The following ADCY7 variants were observed in gnomAD, a reference collection of about 807,000 sequenced individuals.
ADCY7 encodes adenylate cyclase type 7.
ADCY7 carries 72 observed loss-of-function variants against 120.6 expected under a neutral mutation model. The observed-to-expected ratio is 0.60, with a 90% CI of 0.49 to 0.73. The LOEUF (loss-of-function observed/expected upper bound fraction) is 0.73. ADCY7 is among the 30% of genes least tolerant of loss of function. The probability of loss-of-function intolerance (pLI) is 0.00; values close to 1 mark genes in which losing one functional copy is unlikely to be tolerated. For synonymous variants in ADCY7, 661 were observed against 628.0 expected (o/e 1.05, Z -0.78); for missense variants, 1,227 against 1,486.0 (o/e 0.83, Z 2.87).
chr16:50,314,348 G>C lies in ADCY7; in HGVS notation c.2913G>C (p.Leu971=). 6.2e-7 allele frequency: 1 copy of C among 1,614,186 alleles called. No homozygotes were observed. ...IGVMVEFSIA[L]MSKLDGINRH... ...TCATGGTGGAGTTCAGCATCGCCCT[G>C]ATGAGTAAGCTGGACGGCATCAACA... The change falls in exon 24 of 26, where the codon CTG becomes CTC. Residue 971 remains leucine, a synonymous_variant. Coordinates refer to ENST00000673801, the MANE Select transcript of ADCY7 (RefSeq NM_001114.5).
intron 1 of ADCY7, among the ~76,000 whole-genome samples, chr16:50,272,306 G>A (rs1296555260): frequency 6.6e-6 from 1 of 151,560 alleles, no homozygotes; most frequent in Non-Finnish European, 1.5e-5. Flanking sequence ...GGGGTGCTTT[G>A]TCTTCCAGGC....
chr16:50,290,594 C>T lies in ADCY7; in HGVS notation c.309C>T (p.Cys103=). 1 of 1,614,144 alleles carries T rather than the reference C, an allele frequency of 6.2e-7. No homozygotes were observed. The highest frequency in any genetic ancestry group is 8.5e-7 in the Non-Finnish European group (1 of 1,180,016). The change falls in exon 3 of 26, where the codon TGC becomes TGT. Residue 103 remains cysteine, a synonymous_variant. Coordinates refer to ENST00000673801, the MANE Select transcript of ADCY7 (RefSeq NM_001114.5). Reference sequence around the variant, plus strand: ...CCTTGGCGCTGCTCACCTGGGCCTGCTTGGTGGCGCTGGGCTATGTGCTGG... The same window carrying T: ...CCTTGGCGCTGCTCACCTGGGCCTGTTTGGTGGCGCTGGGCTATGTGCTGG... ...LRALALLTWA[C]LVALGYVLVF...
intron 1 of ADCY7, among the ~76,000 whole-genome samples, chr16:50,278,606 T>C (rs1161435403): frequency 6.6e-6 from 1 of 152,194 alleles, no homozygotes; most frequent in Non-Finnish European, 1.5e-5. Flanking sequence ...TTATGGCTTT[T>C]GGGTTTTGTG....
intron 1 of ADCY7, among the ~76,000 whole-genome samples, chr16:50,282,348 G>A (rs1164798862): frequency 6.6e-6 from 1 of 152,230 alleles, no homozygotes; most frequent in Non-Finnish European, 1.5e-5. Context: ...GCAGTATGGA[G>A]TCCCAGCCTC....
At chr16:50,282,997 G>T (rs2150914819) in intron 1 of ADCY7, among the ~76,000 whole-genome samples, 1 of 152,252 alleles carries the variant, frequency 6.6e-6, no homozygotes, top group South Asian at 2.1e-4. Flanking sequence ...GTGTGATGGA[G>T]GGATGAGCGG....
chr16:50,293,611 T>C, intron 6 of ADCY7, 109 bp downstream of exon 6: 1 of 1,372,090 alleles, frequency 7.3e-7, no homozygotes, highest in Non-Finnish European at 9.9e-7. Flanking sequence ...CCTGCCCATA[T>C]AGGGATTGGG....
chr16:50,316,858 T>G lies in ADCY7; in HGVS notation c.*1353T>G, dbSNP rs185978634. 7.2e-5 allele frequency: 11 copies of G among 152,454 alleles called. No homozygotes were observed. Among genetic ancestry groups the G allele is most frequent in the African/African-American group, 2.6e-4 (11 of 41,562 alleles). 9.4% of individuals were successfully genotyped at this position (152,454 alleles called of 1,614,324 possible). A position where few individuals can be genotyped will look rare whatever the true frequency, so the allele number is the denominator to read the frequency against. Reference sequence around the variant, plus strand: ...ACCAGAGCATCGCCAGGATTTCTAATGCACTCAGTTTCCCTACATAGCAGG... The same window carrying G: ...ACCAGAGCATCGCCAGGATTTCTAAGGCACTCAGTTTCCCTACATAGCAGG... On this transcript the variant is annotated 3_prime_UTR_variant, in exon 26 of 26. Transcript: ENST00000673801.
intron 4 of ADCY7, 158 bp from the exon 5 acceptor site, chr16:50,292,518 C>T: frequency 2.3e-6 from 2 of 870,070 alleles, no homozygotes; most frequent in Non-Finnish European, 3.5e-6. Flanking sequence ...CCTGTCTGGG[C>T]CTCAGTTTCC....
At chr16:50,308,971 G>A (rs111991116) in intron 17 of ADCY7, 179 bp downstream of exon 17, 132 of 693,902 alleles carry the variant, frequency 1.9e-4, no homozygotes, top group African/African-American at 4.4e-4. Context: ...TCTCAAATGC[G>A]GACTTTGGGG....
At position 50,307,102 on chromosome 16, in the gene ADCY7, T is replaced by A. The variant is rs1192386591; in HGVS notation, c.1805T>A (p.Leu602Gln). 9.3e-6 allele frequency: 15 copies of A among 1,612,032 alleles called. No individual in the cohort carries two copies. The highest frequency in any genetic ancestry group is 1.2e-5 in the Non-Finnish European group (14 of 1,179,992). Residue 602 changes from leucine to glutamine, a missense_variant, in exon 15 of 26, where the codon CTG becomes CAG. This residue lies in a region of ADCY7 where 332 missense variants were observed against 455.8 expected (regional missense o/e 0.73). Coordinates refer to ENST00000673801, the MANE Select transcript of ADCY7 (RefSeq NM_001114.5). ...CGCCACGACTTTGCCTGCGCCAGCC[T>A]GATCTTCGTCTGCATCCTGCTCGTC... ...RARHDFACASLIFVCILLVHV... is the reference protein window; with the variant it reads ...RARHDFACASQIFVCILLVHV...
At chr16:50,275,438 T>A (rs937410370) in intron 1 of ADCY7, among the ~76,000 whole-genome samples, 3 of 152,196 alleles carry the variant, frequency 2.0e-5, no homozygotes, top group African/African-American at 7.2e-5. Flanking sequence ...CCTAGGTGGG[T>A]CTCAGAGACT....
At position 50,312,086 on chromosome 16, in the gene ADCY7, G is replaced by T. The variant is rs1312686974; in HGVS notation, c.2499G>T (p.Lys833Asn). ...GCCTATGGAAGAAGAAGTTCAAGAA[G>T]GAGCACGAGGAGTTTGAGACCATGG... Reference protein sequence around the residue: ...LDCLWKKKFKKEHEEFETMEN... With the variant: ...LDCLWKKKFKNEHEEFETMEN... Residue 833 changes from lysine to asparagine, a missense_variant, in exon 21 of 26, where the codon AAG (lysine) becomes AAT (asparagine). By Grantham distance (94) the Lys-to-Asn change is moderately conservative. This residue lies in a region of ADCY7 where 267 missense variants were observed against 270.0 expected (regional missense o/e 0.99). Coordinates refer to ENST00000673801, the MANE Select transcript of ADCY7 (RefSeq NM_001114.5). 1.2e-6 allele frequency: 2 copies of T among 1,614,248 alleles called. No individual in the cohort carries two copies. Among genetic ancestry groups the T allele is most frequent in the Non-Finnish European group, 1.7e-6 (2 of 1,180,044 alleles).
At position 50,315,779 on chromosome 16, in the gene ADCY7, G is replaced by A; in HGVS notation, c.*274G>A. On this transcript the variant is annotated 3_prime_UTR_variant, in exon 26 of 26. Coordinates refer to ENST00000673801, the MANE Select transcript of ADCY7 (RefSeq NM_001114.5). ...GCTGGAGAATGTTCACTGGTTCGGGGCTGACTTTGAGATCTTTGTTCCCTG... is the reference window on the plus strand; with the variant it reads ...GCTGGAGAATGTTCACTGGTTCGGGACTGACTTTGAGATCTTTGTTCCCTG... 1 of 378,042 alleles carries A rather than the reference G, an allele frequency of 2.6e-6. No individual in the cohort carries two copies. The allele number at this position is 378,042 out of a possible 1,614,324, so 23.4% of individuals were successfully genotyped here.
intron 10 of ADCY7, among the ~76,000 whole-genome samples, chr16:50,302,564 C>G (rs2151028756): frequency 6.6e-6 from 1 of 151,444 alleles, no homozygotes; most frequent in East Asian, 2.0e-4. Context: ...TTCCCCCCAC[C>G]CCACCCTACC....
rs1039022323 is a variant in ADCY7, at chr16:50,297,427, C to A, written c.949-1477C>A. 6.6e-6 allele frequency among the ~76,000 whole-genome samples: 1 copy of A among 152,146 alleles called. No individual in the cohort carries two copies. The highest frequency in any genetic ancestry group is 1.9e-4 in the East Asian group (1 of 5,202). ...TCCATGGGCAGTCCTGTGCCTGGTC[C>A]GAGAGGAGATCAGGGTAGCTGGAGC... On this transcript the variant is annotated intron_variant, in intron 7 of 25. Transcript: ENST00000673801. The surrounding 1 kb of genome is among the most constrained non-coding windows in gnomAD (Gnocchi z 4.4).
chr16:50,308,135 A>G (rs186581542), intron 15 of ADCY7, among the ~76,000 whole-genome samples, 192 bp from the exon 16 acceptor site: 1 of 152,286 alleles, frequency 6.6e-6, no homozygotes, highest in Non-Finnish European at 1.5e-5. Flanking sequence ...CTTGACCTCA[A>G]TCTTCATAAT....
At chr16:50,312,333 T>A in intron 21 of ADCY7, 142 bp downstream of exon 21, 1 of 918,898 alleles carries the variant, frequency 1.1e-6, no homozygotes, top group Non-Finnish European at 1.6e-6. Flanking sequence ...GGCGACAATG[T>A]ATGGCATCAG....
intron 1 of ADCY7, among the ~76,000 whole-genome samples, chr16:50,282,361 G>A (rs895680572): frequency 2.6e-5 from 4 of 152,238 alleles, no homozygotes; most frequent in Admixed American, 1.3e-4. Context: ...CCAGCCTCTT[G>A]CTTCCAGCAG....
At chr16:50,292,997 T>G (rs974673409) in intron 5 of ADCY7, among the ~76,000 whole-genome samples, 172 bp downstream of exon 5, 4 of 152,104 alleles carry the variant, frequency 2.6e-5, no homozygotes, top group Non-Finnish European at 5.9e-5. Context: ...TGCTGACCCT[T>G]GACTCTGCCT....
Sources: allele counts gnomAD v4.1 joint callset (sites outside exome capture counted in the v4.1 genomes callset), GRCh38; gene constraint gnomAD v4.1.1; regional missense constraint gnomAD v4.1.1; non-coding constraint Gnocchi (gnomAD v3.1); transcripts MANE v1.5; gene names NCBI Gene and HGNC (gene_info 2026-07-23, HGNC 2026-07-21).